The following LRP1B variants were observed in gnomAD, a reference collection of about 807,000 sequenced individuals.
LRP1B encodes low-density lipoprotein receptor-related protein 1B.
LRP1B carries 217 observed loss-of-function variants against 556.6 expected under a neutral mutation model. The observed-to-expected ratio is 0.39, with a 90% CI of 0.35 to 0.44. The LOEUF is 0.44. LRP1B is among the 20% of genes least tolerant of loss of function. The probability of loss-of-function intolerance (pLI) is 1.00; values close to 1 mark genes in which losing one functional copy is unlikely to be tolerated. For missense variants in LRP1B, 5,053 were observed against 5,620.8 expected (o/e 0.90, Z 3.23); for synonymous variants, 2,047 against 1,865.8 (o/e 1.10, Z -2.50).
At chr2:140,963,041 A>C (rs1010211920) in intron 18 of LRP1B, among the ~76,000 whole-genome samples, 1 of 152,202 alleles carries the variant, frequency 6.6e-6, no homozygotes, top group African/African-American at 2.4e-5. Context: ...GACATCAATG[A>C]CAAAATGTTA....
rs1685460165 is a variant in LRP1B at position 140,421,890 on chromosome 2, C to T, written c.10414+20614G>A. Among the ~76,000 whole-genome samples the T allele has an allele frequency of 2.0e-5, 3 of 152,136 alleles. No homozygotes were observed. In the South Asian group the frequency reaches 6.2e-4, roughly 31 times the overall value. ...ATCTTCTCCTGAAACTGTCCAGTGC[C>T]CTGCCACATCACCCTTTCCATCCTG... On this transcript the variant is annotated intron_variant, in intron 66 of 90. Coordinates refer to ENST00000389484, the MANE Select transcript of LRP1B (RefSeq NM_018557.3).
At chr2:141,679,839 G>T (rs1423014792) in intron 2 of LRP1B, among the ~76,000 whole-genome samples, 3 of 151,286 alleles carry the variant, frequency 2.0e-5, no homozygotes, top group Admixed American at 1.3e-4. Context: ...CATAATAAAA[G>T]ATATAAATTA....
Position 140,880,941 on chromosome 2 carries a change from C to T in LRP1B, c.4169+2876G>A, listed in dbSNP as rs149649010. ...TTCAAAGAGGCTTAGAAGGATTTTA[C>T]AGACTGAAAACAACTTCCCTTGCCA... On this transcript the variant is annotated intron_variant, in intron 25 of 90. Coordinates refer to ENST00000389484, the MANE Select transcript of LRP1B (RefSeq NM_018557.3). Among the ~76,000 whole-genome samples, 45 of 152,190 alleles carry T rather than the reference C, an allele frequency of 3.0e-4. 1 individual carries two copies. The Middle Eastern group carries it at 0.02, about 69-fold the overall frequency.
rs114711031 is a variant in LRP1B at position 140,733,367 on chromosome 2, C to T, written c.5759-16551G>A. On this transcript the variant is annotated intron_variant, in intron 35 of 90. Coordinates refer to ENST00000389484, the MANE Select transcript of LRP1B (RefSeq NM_018557.3). ...ATTTGTATGAAAATTGATTATCAGA[C>T]CCTAAAGCTAAACAGTGAAAACTAT... Among the ~76,000 whole-genome samples the T allele has an allele frequency of 3.1e-3, 468 of 152,104 alleles. 2 individuals are homozygous for T. Among genetic ancestry groups the T allele is most frequent in the African/African-American group, 0.011 (453 of 41,492 alleles).
intron 1 of LRP1B, among the ~76,000 whole-genome samples, chr2:142,043,347 G>T (rs908435646): frequency 6.6e-6 from 1 of 151,446 alleles, no homozygotes; most frequent in Non-Finnish European, 1.5e-5. Flanking sequence ...GACTCCTTAT[G>T]GTATGATAGC....
chr2:141,865,962 A>C (rs1286765669), intron 1 of LRP1B, among the ~76,000 whole-genome samples: 1 of 152,216 alleles, frequency 6.6e-6, no homozygotes, highest in Admixed American at 6.5e-5. Context: ...CAGTAGGTGT[A>C]AATGCAAAAC....
chr2:141,451,544 A>C (rs570240148), intron 3 of LRP1B, among the ~76,000 whole-genome samples: 3 of 152,234 alleles, frequency 2.0e-5, no homozygotes. Context: ...TGAAGAACAA[A>C]ATTGTCCTTG....
At chr2:141,579,310 T>G (rs1044934661) in intron 2 of LRP1B, among the ~76,000 whole-genome samples, 1 of 152,176 alleles carries the variant, frequency 6.6e-6, no homozygotes, top group Non-Finnish European at 1.5e-5. Flanking sequence ...ATTTATCACA[T>G]TCACAACCAT....
At chr2:141,848,233 G>A (rs2105770165) in intron 1 of LRP1B, among the ~76,000 whole-genome samples, 1 of 151,644 alleles carries the variant, frequency 6.6e-6, no homozygotes, top group Middle Eastern at 3.4e-3. Context: ...TATTTTTTAT[G>A]TATATACTAT....
At chr2:140,761,693 C>T (rs1301384034) in intron 35 of LRP1B, among the ~76,000 whole-genome samples, 1 of 152,120 alleles carries the variant, frequency 6.6e-6, no homozygotes, top group Non-Finnish European at 1.5e-5. Context: ...CTGCCAACAG[C>T]CCCATGAGCG....
chr2:141,410,191 T>C (rs1690797848), intron 3 of LRP1B, among the ~76,000 whole-genome samples: 3 of 152,188 alleles, frequency 2.0e-5, no homozygotes, highest in South Asian at 4.1e-4. Context: ...CAAACTGTTA[T>C]GTGTTAAGCT....
chr2:140,547,810 G>A (rs192344574), intron 43 of LRP1B, among the ~76,000 whole-genome samples: 16 of 151,902 alleles, frequency 1.1e-4, no homozygotes, highest in South Asian at 1.0e-3. Flanking sequence ...TGTGATTTCC[G>A]CTTGCAGAGT....
Position 140,606,459 on chromosome 2 carries a change from A to AT in LRP1B, c.6800-4821dup, listed in dbSNP as rs1190983124. ...CAATTCTATCCAAATAGACCTACAG[A>AT]TTTAATGTATAGAAATCCCAGCTGG... On this transcript the variant is annotated intron_variant, in intron 41 of 90. Coordinates refer to ENST00000389484, the MANE Select transcript of LRP1B (RefSeq NM_018557.3). Among the ~76,000 whole-genome samples the AT allele has an allele frequency of 1.4e-4, 22 of 152,140 alleles. No individual in the cohort carries two copies. The East Asian group carries it at 4.2e-3, about 29-fold the overall frequency.
At chr2:140,240,060 C>T (rs1187327999) in intron 87 of LRP1B, among the ~76,000 whole-genome samples, 3 of 150,824 alleles carry the variant, frequency 2.0e-5, no homozygotes, top group Non-Finnish European at 4.5e-5. Flanking sequence ...GGTTTCACAA[C>T]TTACTTGAAG....
At chr2:140,581,682 A>T (rs1681768741) in intron 43 of LRP1B, among the ~76,000 whole-genome samples, 1 of 152,232 alleles carries the variant, frequency 6.6e-6, no homozygotes, top group South Asian at 2.1e-4. Flanking sequence ...AACTGAAACT[A>T]TCAAATTATA....
At chr2:141,149,310 C>A (rs1701863582) in intron 7 of LRP1B, among the ~76,000 whole-genome samples, 1 of 151,984 alleles carries the variant, frequency 6.6e-6, no homozygotes, top group Non-Finnish European at 1.5e-5. Flanking sequence ...GAGAAACCAC[C>A]ATTACCTATG....
intron 2 of LRP1B, among the ~76,000 whole-genome samples, chr2:141,647,386 A>G (rs2890601): frequency 0.81 from 123,912 of 152,088 alleles, 50,641 homozygotes; most frequent in East Asian, 0.94. Flanking sequence ...GAAATTGTCT[A>G]TTGTTTAAGT....
intron 6 of LRP1B, among the ~76,000 whole-genome samples, chr2:141,222,041 C>T (rs768979984): frequency 1.3e-5 from 2 of 152,088 alleles, no homozygotes; most frequent in Non-Finnish European, 2.9e-5. Flanking sequence ...AGCAAACAAA[C>T]CCCAAAGCTA....
chr2:140,331,927 C>T lies in LRP1B; in HGVS notation c.12223+2526G>A, dbSNP rs150318007. 5.0e-4 allele frequency among the ~76,000 whole-genome samples: 76 copies of T among 151,978 alleles called. 3 individuals carry two copies. In the East Asian group the frequency reaches 0.015, roughly 29 times the overall value. ...GGGCAGGCTGGTCTCAAACTCCTGA[C>T]CTCAGGTGATCTGCCCTCCTTGGCC... On this transcript the variant is annotated intron_variant, in intron 79 of 90. Transcript: ENST00000389484.
Sources: allele counts gnomAD v4.1 joint callset (sites outside exome capture counted in the v4.1 genomes callset), GRCh38; gene constraint gnomAD v4.1.1; transcripts MANE v1.5; gene names NCBI Gene and HGNC (gene_info 2026-07-23, HGNC 2026-07-21).